FLT3: variants seen among roughly 807,000 people sequenced by gnomAD.
FLT3 encodes the protein receptor-type tyrosine-protein kinase FLT3.
Under a neutral mutation model 126.6 loss-of-function variants are expected in FLT3, and 46 were observed. That is an observed-to-expected ratio of 0.36 (90% confidence interval 0.29 to 0.46). The LOEUF (loss-of-function observed/expected upper bound fraction) is 0.46, where lower values mean the gene tolerates loss of function less well. Among genes scored for constraint, FLT3 ranks in the 20% least tolerant of loss-of-function variants. FLT3 has a pLI of 1.00. For missense variants in FLT3, 1,069 were observed against 1,190.3 expected, an observed-to-expected ratio of 0.90 and a Z score of 1.50; for synonymous variants, 404 against 434.4, an observed-to-expected ratio of 0.93 and a Z score of 0.87.
intron 8 of FLT3, 110 bp from the exon 9 acceptor site, chr13:28,048,553 T>G: frequency 1.3e-6 from 1 of 759,284 alleles, no homozygotes; most frequent in South Asian, 1.9e-5. Flanking sequence ...AAAACTCAAG[T>G]GTTGGCATGC....
At chr13:28,023,254 T>A (rs1872548353) in intron 19 of FLT3, 96 bp downstream of exon 19, 1 of 1,327,148 alleles carries the variant, frequency 7.5e-7, no homozygotes. Context: ...AAAGGCAGAC[T>A]TTAAGGGATA....
chr13:28,090,782 G>A (rs1361980026), intron 1 of FLT3, among the ~76,000 whole-genome samples: 2 of 151,998 alleles, frequency 1.3e-5, no homozygotes, highest in Non-Finnish European at 2.9e-5. Flanking sequence ...GTCCGCCCCT[G>A]CCCCCTCAAC....
Position 28,026,264 on chromosome 13 carries a change from C to T in FLT3, c.2207+824G>A, listed in dbSNP as rs1342015244. ...ACTCGGGAGGCTGAGGCAAGAGAAT[C>T]GCTTGAACCTGGGATGTGGAGGTTG... On this transcript the variant is annotated intron_variant, in intron 17 of 23. Transcript: ENST00000241453. Among the ~76,000 whole-genome samples the T allele has an allele frequency of 2.0e-5, 3 of 148,142 alleles. No individual in the cohort carries two copies. The Admixed American group carries it at 2.1e-4, about 10-fold the overall frequency.
intron 1 of FLT3, among the ~76,000 whole-genome samples, chr13:28,094,842 A>G (rs1879355747): frequency 6.6e-6 from 1 of 152,134 alleles, no homozygotes; most frequent in Non-Finnish European, 1.5e-5. Flanking sequence ...ATGTGTTGGT[A>G]CTCATAGAAC....
intron 23 of FLT3, among the ~76,000 whole-genome samples, chr13:28,011,552 C>T (rs1452612771): frequency 4.0e-5 from 6 of 150,120 alleles, no homozygotes; most frequent in Non-Finnish European, 8.9e-5. Flanking sequence ...ATGGCTGAGA[C>T]CCACGCCAAG....
intron 17 of FLT3, among the ~76,000 whole-genome samples, chr13:28,026,780 G>A (rs138047097): frequency 6.6e-6 from 1 of 152,294 alleles, no homozygotes; most frequent in East Asian, 1.9e-4. Context: ...ACCAATACCT[G>A]TGAGGCAACC....
In FLT3 at chr13:28,035,580, A is replaced by T. The variant is rs1160891524; in HGVS notation, c.1512T>A (p.Ser504Arg). 1 of 1,614,030 alleles carries T rather than the reference A, an allele frequency of 6.2e-7. No individual in the cohort carries two copies. The highest frequency in any genetic ancestry group is 1.3e-5 in the African/African-American group (1 of 74,916). Residue 504 changes from serine (S) to arginine (R), a missense_variant, in exon 12 of 24, where the codon AGT becomes AGA. Physicochemically the swap from Ser to Arg is moderately radical, Grantham distance 110. Coordinates refer to ENST00000241453, the MANE Select transcript of FLT3 (RefSeq NM_004119.3). ...TGACCAGGAACCCTTTTATGGCTTC[A>T]CTCATGTTTAGAGTACTGCTCGACA... is the stretch of plus-strand genomic sequence containing the variant. ...QWVSSSTLNM[S>R]EAIKGFLVKC...
intron 9 of FLT3, among the ~76,000 whole-genome samples, chr13:28,038,098 G>A (rs1237358222): frequency 2.0e-5 from 3 of 152,168 alleles, no homozygotes; most frequent in African/African-American, 4.8e-5. Context: ...GACTTACATA[G>A]CAATGAACAA....
At chr13:28,078,272 C>G (rs1434144709) in intron 1 of FLT3, among the ~76,000 whole-genome samples, 1 of 152,204 alleles carries the variant, frequency 6.6e-6, no homozygotes, top group East Asian at 1.9e-4. Flanking sequence ...GGACCCTGCC[C>G]CTGCAGCAAA....
intron 1 of FLT3, among the ~76,000 whole-genome samples, chr13:28,089,330 A>C (rs2137823245): frequency 6.6e-6 from 1 of 152,366 alleles, no homozygotes; most frequent in South Asian, 2.1e-4. Flanking sequence ...CTTAGCATCC[A>C]GTGCAGCAAT....
In FLT3 at chr13:28,026,679, G is replaced by A. The variant is rs184475320; in HGVS notation, c.2207+409C>T. Among the ~76,000 whole-genome samples the A allele has an allele frequency of 6.4e-3, 967 of 152,270 alleles. 5 individuals are homozygous for A. Among genetic ancestry groups the A allele is most frequent in the Non-Finnish European group, 0.01 (701 of 68,016 alleles). ...ATCCTAATATCTTAGAATCCAATTT[G>A]AGTTCAGCGTTCTTTTGCGCAATAG... On this transcript the variant is annotated intron_variant, in intron 17 of 23. Coordinates refer to ENST00000241453, the MANE Select transcript of FLT3 (RefSeq NM_004119.3).
intron 20 of FLT3, among the ~76,000 whole-genome samples, chr13:28,016,619 A>G (rs1871888592): frequency 6.6e-6 from 1 of 152,202 alleles, no homozygotes; most frequent in Non-Finnish European, 1.5e-5. Context: ...GCACATGTTT[A>G]ATCAGCACAT....
At chr13:28,080,100 G>A (rs1878220665) in intron 1 of FLT3, among the ~76,000 whole-genome samples, 1 of 152,202 alleles carries the variant, frequency 6.6e-6, no homozygotes, top group Non-Finnish European at 1.5e-5. Flanking sequence ...ATCTGGCCGG[G>A]CACGGTGGCT....
chr13:28,077,480 T>G (rs1462161528), intron 1 of FLT3, among the ~76,000 whole-genome samples: 1 of 152,146 alleles, frequency 6.6e-6, no homozygotes, highest in Non-Finnish European at 1.5e-5. Flanking sequence ...CTCGTGAGAC[T>G]TATTCACTAT....
chr13:28,016,945 T>C (rs913496246), intron 20 of FLT3, among the ~76,000 whole-genome samples: 1 of 152,158 alleles, frequency 6.6e-6, no homozygotes, highest in Non-Finnish European at 1.5e-5. Flanking sequence ...GTTGGTTTTA[T>C]TGGCTTTTTC....
rs1870609756 is a variant in FLT3 at position 28,003,391 on chromosome 13, C to T, written c.*661G>A. 4.3e-6 allele frequency: 1 copy of T among 233,550 alleles called. No homozygotes were observed. Among genetic ancestry groups the T allele is most frequent in the Non-Finnish European group, 8.4e-6 (1 of 118,390 alleles). The allele number at this position is 233,550 out of a possible 1,614,324, so 14.5% of individuals were successfully genotyped here. On this transcript the variant is annotated 3_prime_UTR_variant, in exon 24 of 24. Coordinates refer to ENST00000241453, the MANE Select transcript of FLT3 (RefSeq NM_004119.3). ...TGATGTATTACTCTTTATGGTAGAACACCTATTCATTATAAACTTCCCCCA... is the reference window on the plus strand; with the variant it reads ...TGATGTATTACTCTTTATGGTAGAATACCTATTCATTATAAACTTCCCCCA...
intron 2 of FLT3, among the ~76,000 whole-genome samples, chr13:28,068,506 CA>C (rs961719755): frequency 6.0e-4 from 86 of 143,526 alleles, no homozygotes; most frequent in African/African-American, 1.9e-3. Context: ...CCCGTCTCTA[CA>C]AAAAAAAAAT....
At position 28,034,379 on chromosome 13, in the gene FLT3, G is replaced by A. The variant is rs144247060; in HGVS notation, c.1626C>T (p.Ile542=). The A allele has an allele frequency of 5.0e-6, 8 of 1,613,824 alleles. No homozygotes were observed. Among genetic ancestry groups the A allele is most frequent in the Non-Finnish European group, 6.8e-6 (8 of 1,179,822 alleles). The change falls in exon 13 of 24, where the codon ATC becomes ATT. Residue 542 remains isoleucine (I), a synonymous_variant. Coordinates refer to ENST00000241453, the MANE Select transcript of FLT3 (RefSeq NM_004119.3). ...PGPFPFIQDN[I]SFYATIGVCL... is the part of the protein sequence containing the mutation. Reference sequence around the variant, plus strand: ...AAACACCAATTGTTGCATAGAATGAGATGTTGTCTTGGATGAAAGGGAAGG... The same window carrying A: ...AAACACCAATTGTTGCATAGAATGAAATGTTGTCTTGGATGAAAGGGAAGG...
At chr13:28,030,171 T>C (rs1261743929) in intron 15 of FLT3, among the ~76,000 whole-genome samples, 7 of 152,126 alleles carry the variant, frequency 4.6e-5, no homozygotes, top group Non-Finnish European at 8.8e-5. Context: ...ATCCTCTATT[T>C]TGGTTTGGGC....
Sources: gnomAD v4.1 joint callset for allele counts (sites outside exome capture counted in the v4.1 genomes callset) on GRCh38, gnomAD v4.1.1 for gene constraint, MANE v1.5 for transcripts, NCBI Gene and HGNC (gene_info 2026-07-23, HGNC 2026-07-21) for gene names.